The following CLCN1 variants were observed in gnomAD, a reference collection of about 807,000 sequenced individuals.
CLCN1 encodes the protein chloride channel protein 1.
CLCN1 carries 100 observed loss-of-function variants against 114.5 expected under a neutral mutation model. The ratio of observed to expected loss-of-function variants is 0.87; its 90% CI spans 0.74 to 1.03. CLCN1 has a LOEUF of 1.03. Ranked by LOEUF, CLCN1 falls within the 50% of genes least tolerant of loss-of-function variation. The probability of loss-of-function intolerance (pLI) is 0.00; values close to 1 mark genes in which losing one functional copy is unlikely to be tolerated. For missense variants in CLCN1, 1,188 were observed against 1,250.0 expected (o/e 0.95, Z 0.75); for synonymous variants, 485 against 487.1 (o/e 1.00, Z 0.06).
intron 16 of CLCN1, among the ~76,000 whole-genome samples, chr7:143,344,750 G>C (rs1044832722): frequency 2.1e-5 from 2 of 96,980 alleles, no homozygotes; most frequent in Admixed American, 2.4e-4. Flanking sequence ...ATCCTAGCAG[G>C]GTTTTTTTTT....
Position 143,321,892 on chromosome 7 carries a change from G to T in CLCN1, c.696+44G>T. ...AAGCCAGAGCTGGGAGGGGCCCTCAGGAGCCAGGGTGGCACCAACTCTAGA... is the reference window on the plus strand; with the variant it reads ...AAGCCAGAGCTGGGAGGGGCCCTCATGAGCCAGGGTGGCACCAACTCTAGA... On this transcript the variant is annotated intron_variant, in intron 5 of 22. Coordinates refer to ENST00000343257, the MANE Select transcript of CLCN1 (RefSeq NM_000083.3). This position sits in a 1 kb window ranked among gnomAD's most constrained non-coding sequence, Gnocchi z 4.2. 2 of 1,605,294 alleles carry T rather than the reference G, an allele frequency of 1.2e-6. No individual in the cohort carries two copies. Among genetic ancestry groups the T allele is most frequent in the East Asian group, 2.2e-5 (1 of 44,626 alleles).
intron 2 of CLCN1, 22 bp downstream of exon 2, chr7:143,319,897 A>G (rs1206712407): frequency 1.2e-6 from 2 of 1,613,214 alleles, no homozygotes; most frequent in Non-Finnish European, 8.5e-7. Flanking sequence ...TGAGGAATAA[A>G]GAAATCTGGA....
In CLCN1 at chr7:143,339,310, G is replaced by A. The variant is rs749370790; in HGVS notation, c.1459G>A (p.Val487Met). 1.9e-6 allele frequency: 3 copies of A among 1,612,678 alleles called. No homozygotes were observed. The highest frequency in any genetic ancestry group is 1.1e-5 in the South Asian group (1 of 91,064). The change falls in exon 13 of 23, where the codon GTG (valine) becomes ATG (methionine). Residue 487 changes from valine to methionine, a missense_variant. Physicochemically the swap from Val to Met is conservative, Grantham distance 21. Transcript: ENST00000343257. This position sits in a 1 kb window ranked among gnomAD's most constrained non-coding sequence, Gnocchi z 4.1. ...CATACCCTGCGGAGGCTTCATGCCT[G>A]TGTTTGTGCTAGGTAAGTTCTGATG... ...MPIPCGGFMP[V>M]FVLGAAFGRL...
intron 1 of CLCN1, among the ~76,000 whole-genome samples, chr7:143,317,274 A>C (rs1042676701): frequency 6.6e-5 from 7 of 105,858 alleles, no homozygotes; most frequent in African/African-American, 2.7e-4. Flanking sequence ...TTTGAGATGG[A>C]GTCTCGCTCT....
chr7:143,339,341 C>A lies in CLCN1; in HGVS notation c.1471+19C>A. The A allele has an allele frequency of 6.3e-7, 1 of 1,592,012 alleles. No homozygotes were observed. Among genetic ancestry groups the A allele is most frequent in the Non-Finnish European group, 8.6e-7 (1 of 1,159,898 alleles). ...GTGCTAGGTAAGTTCTGATGGGAAG[C>A]CTGGGGTCTGACTGAGAGTTGCAAT... On this transcript the variant is annotated intron_variant, in intron 13 of 22. Coordinates refer to ENST00000343257, the MANE Select transcript of CLCN1 (RefSeq NM_000083.3). The surrounding 1 kb of genome is among the most constrained non-coding windows in gnomAD (Gnocchi z 4.1).
chr7:143,330,997 G>C (rs1802707422), intron 8 of CLCN1, 100 bp downstream of exon 8: 1 of 1,559,774 alleles, frequency 6.4e-7, no homozygotes, highest in East Asian at 2.2e-5. Flanking sequence ...AGGAATAATG[G>C]GCGGCATCAT....
rs781383745 is a variant in CLCN1 at position 143,319,761 on chromosome 7, G to T, written c.187G>T (p.Gly63Cys). Residue 63 changes from glycine (G) to cysteine (C), a missense_variant, in exon 2 of 23, where the codon GGC becomes TGC. By Grantham distance (159) the Gly-to-Cys change is radical (BLOSUM62 -3). Transcript: ENST00000343257. ...TCATTCTCTCTCTGTCCAGATTTAT[G>T]GCCATCACAAAGAACAATTCTCAGA... ...RHNVHPTQIY[G>C]HHKEQFSDRE... 3 of 1,613,820 alleles carry T rather than the reference G, an allele frequency of 1.9e-6. No homozygotes were observed.
rs1312139634 is a variant in CLCN1, at chr7:143,342,474, A to G, written c.1899A>G (p.Thr633=). The part of the protein sequence containing the change: ...GELRTLLQTT[T]VKTLPLVDSK... Reference sequence around the variant, plus strand: ...TGCGAACCCTGCTCCAGACCACCACAGTCAAGACTTTACCACTGGTTGACT... The same window carrying G: ...TGCGAACCCTGCTCCAGACCACCACGGTCAAGACTTTACCACTGGTTGACT... Residue 633 remains threonine (T), a synonymous_variant, in exon 16 of 23, where the codon ACA becomes ACG. Transcript: ENST00000343257. The G allele has an allele frequency of 6.2e-6, 10 of 1,614,052 alleles. No homozygotes were observed. Among genetic ancestry groups the G allele is most frequent in the Non-Finnish European group, 8.5e-6 (10 of 1,180,038 alleles).
At chr7:143,322,808 A>AC (rs1434241832) in intron 5 of CLCN1, among the ~76,000 whole-genome samples, 1 of 152,232 alleles carries the variant, frequency 6.6e-6, no homozygotes. Flanking sequence ...GGCGTGCGCC[A>AC]CCGCGCCCGG....
At position 143,337,807 on chromosome 7, in the gene CLCN1, C is replaced by CTTTTTTTTTTT. The variant is rs869078445; in HGVS notation, c.1402-1419_1402-1409dup. On this transcript the variant is annotated intron_variant, in intron 12 of 22. Transcript: ENST00000343257. ...CTTTTTTCCATTCTATTTCTCAATT[C>CTTTTTTTTTTT]TTTTTTTTTTTTTTTTTTTTTTTTT... Among the ~76,000 whole-genome samples, 3 of 46,078 alleles carry CTTTTTTTTTTT rather than the reference C, an allele frequency of 6.5e-5. 1 individual carries two copies. The highest frequency in any genetic ancestry group is 1.6e-4 in the African/African-American group (2 of 12,744). The allele number at this position is 46,078 out of a possible 152,430, so 30.2% of individuals were successfully genotyped here.
Position 143,345,523 on chromosome 7 carries a change from T to G in CLCN1, c.1933T>G (p.Ser645Ala). ...KTLPLVDSKD[S>A]MILLGSVERS... ...GGCAGGGCGTGGGTTTCCCTCAGATTCAATGATCCTGCTGGGCTCGGTGGA... is the reference window on the plus strand; with the variant it reads ...GGCAGGGCGTGGGTTTCCCTCAGATGCAATGATCCTGCTGGGCTCGGTGGA... The change falls in exon 17 of 23, where the codon TCA (serine) becomes GCA (alanine). Residue 645 changes from serine (S) to alanine (A), a missense_variant and splice_region_variant. Physicochemically the swap from Ser to Ala is moderately conservative, Grantham distance 99. Coordinates refer to ENST00000343257, the MANE Select transcript of CLCN1 (RefSeq NM_000083.3). 6.5e-7 allele frequency: 1 copy of G among 1,533,064 alleles called. No individual in the cohort carries two copies. Among genetic ancestry groups the G allele is most frequent in the Non-Finnish European group, 8.8e-7 (1 of 1,134,618 alleles). 95.0% of individuals were successfully genotyped at this position (1,533,064 alleles called of 1,614,324 possible).
chr7:143,330,841 C>T lies in CLCN1; in HGVS notation c.923C>T (p.Ala308Val), dbSNP rs1406554534. The T allele has an allele frequency of 1.1e-5, 18 of 1,614,170 alleles. No individual in the cohort carries two copies. The highest frequency in any genetic ancestry group is 1.3e-5 in the Non-Finnish European group (15 of 1,180,032). The change falls in exon 8 of 23, where the codon GCA becomes GTA. Residue 308 changes from alanine (A) to valine (V), a missense_variant. Transcript: ENST00000343257. ...CGGAACTACTGGAGAGGATTCTTTG[C>T]AGCCACGTTCAGCGCCTTTGTGTTT... ...AVRNYWRGFF[A>V]ATFSAFVFRV...
intron 7 of CLCN1, among the ~76,000 whole-genome samples, chr7:143,326,338 G>A (rs1324465918): frequency 6.6e-6 from 1 of 150,950 alleles, no homozygotes; most frequent in Non-Finnish European, 1.5e-5. Flanking sequence ...TCAAAATGAG[G>A]TATTCATTAT....
In CLCN1 at chr7:143,316,312, G is replaced by A. The variant is rs200889399; in HGVS notation, c.100G>A (p.Gly34Arg). ...GCCCTTTGAACACTGCACCAGCTACGGACTGCCCTCTGAGAATGGGGGCCT... is the reference window on the plus strand; with the variant it reads ...GCCCTTTGAACACTGCACCAGCTACAGACTGCCCTCTGAGAATGGGGGCCT... ...YMPFEHCTSY[G>R]LPSENGGLQH... Residue 34 changes from glycine to arginine, a missense_variant, in exon 1 of 23, where the codon GGA becomes AGA. Transcript: ENST00000343257. 2.2e-5 allele frequency: 35 copies of A among 1,613,746 alleles called. No homozygotes were observed. Among genetic ancestry groups the A allele is most frequent in the Middle Eastern group, 1.7e-4 (1 of 6,060 alleles).
chr7:143,323,426 A>G, intron 6 of CLCN1, 40 bp downstream of exon 6: 1 of 1,407,968 alleles, frequency 7.1e-7, no homozygotes, highest in Non-Finnish European at 1.0e-6. Context: ...GCCAGGTGGT[A>G]GAAGGAGTCC....
chr7:143,334,874 T>C (rs1413857275), intron 12 of CLCN1, among the ~76,000 whole-genome samples: 1 of 152,252 alleles, frequency 6.6e-6, no homozygotes, highest in Admixed American at 6.5e-5. Flanking sequence ...AGTGTCTTGT[T>C]AGGGATTTGA....
chr7:143,321,837 G>T lies in CLCN1; in HGVS notation c.685G>T (p.Val229Leu). 6.2e-7 allele frequency: 1 copy of T among 1,614,172 alleles called. No individual in the cohort carries two copies. The highest frequency in any genetic ancestry group is 1.1e-5 in the South Asian group (1 of 91,060). The change falls in exon 5 of 23, where the codon GTG (valine) becomes TTG (leucine). Residue 229 changes from valine (V) to leucine (L), a missense_variant. Physicochemically the swap from Val to Leu is conservative, Grantham distance 32. Coordinates refer to ENST00000343257, the MANE Select transcript of CLCN1 (RefSeq NM_000083.3). This position sits in a 1 kb window ranked among gnomAD's most constrained non-coding sequence, Gnocchi z 4.2. ...LTAGLGSGIP[V>L]GKEGPFVHIA... Reference sequence around the variant, plus strand: ...TGCGGGCCTGGGCAGTGGCATCCCCGTGGGGAAAGAGGTAGGCCTGGCATG... The same window carrying T: ...TGCGGGCCTGGGCAGTGGCATCCCCTTGGGGAAAGAGGTAGGCCTGGCATG...
chr7:143,350,696 G>T lies in CLCN1; in HGVS notation c.2595+42G>T. The T allele has an allele frequency of 6.8e-7, 1 of 1,469,760 alleles. No homozygotes were observed. The highest frequency in any genetic ancestry group is 1.1e-5 in the South Asian group (1 of 88,052). 91.0% of individuals were successfully genotyped at this position (1,469,760 alleles called of 1,614,324 possible). On this transcript the variant is annotated intron_variant, in intron 22 of 22. Transcript: ENST00000343257. The surrounding 1 kb of genome is among the most constrained non-coding windows in gnomAD (Gnocchi z 5.1). ...CCATTTGAGCAGCAGGAGGGAGGCT[G>T]GGCATAGGATAAGGGGATGCAGTGG... is the stretch of plus-strand genomic sequence containing the variant.
chr7:143,344,790 G>A (rs1470948971), intron 16 of CLCN1, among the ~76,000 whole-genome samples: 2 of 138,326 alleles, frequency 1.4e-5, no homozygotes, highest in African/African-American at 2.8e-5. Flanking sequence ...CGCTCTTGTC[G>A]CCCAGGTTGG....
Sources: gnomAD v4.1 joint callset for allele counts (sites outside exome capture counted in the v4.1 genomes callset) on GRCh38, gnomAD v4.1.1 for gene constraint, Gnocchi (gnomAD v3.1) non-coding constraint, MANE v1.5 for transcripts, NCBI Gene and HGNC (gene_info 2026-07-23, HGNC 2026-07-21) for gene names.